Variants in NDUFS4 observed in about 807,000 individuals in gnomAD.
NDUFS4 encodes the protein NADH dehydrogenase [ubiquinone] iron-sulfur protein 4, mitochondrial.
NDUFS4 carries 28 observed loss-of-function variants against 24.3 expected under a neutral mutation model. The observed-to-expected ratio is 1.15, with a 90% CI of 0.85 to 1.58. The LOEUF is 1.58. Ranked by LOEUF, NDUFS4 falls within the 40% of genes most tolerant of loss-of-function variation. NDUFS4 has a pLI of 0.00. For missense variants in NDUFS4, 223 were observed against 207.9 expected (o/e 1.07, Z -0.45); for synonymous variants, 93 against 69.7 (o/e 1.34, Z -1.67).
At chr5:53,608,415 T>C (rs1269036771) in intron 2 of NDUFS4, among the ~76,000 whole-genome samples, 1 of 152,214 alleles carries the variant, frequency 6.6e-6, no homozygotes, top group Non-Finnish European at 1.5e-5. Context: ...GAAAAATTTC[T>C]CTGTAGCATG....
intron 4 of NDUFS4, among the ~76,000 whole-genome samples, chr5:53,659,597 G>A (rs1396900662): frequency 6.6e-6 from 1 of 152,052 alleles, no homozygotes; most frequent in African/African-American, 2.4e-5. Context: ...AGATTCAAAT[G>A]CACTACTAAA....
intron 4 of NDUFS4, among the ~76,000 whole-genome samples, chr5:53,669,191 G>A (rs1235238584): frequency 6.6e-6 from 1 of 152,070 alleles, no homozygotes; most frequent in Admixed American, 6.6e-5. Context: ...TCAATACTAT[G>A]ACATTTGTGT....
In NDUFS4 at chr5:53,658,611, T is replaced by G; in HGVS notation, c.411T>G (p.Phe137Leu). The change falls in exon 4 of 5, where the codon TTT becomes TTG. Residue 137 changes from phenylalanine to leucine, a missense_variant. Physicochemically the swap from Phe to Leu is conservative, Grantham distance 22 (BLOSUM62 0). Transcript: ENST00000296684. ...GTACTAAAGAAGATGCAGTTTCCTT[T>G]GCAGAAAAAAATGGTATGTTTGGTC... ...TFSTKEDAVS[F>L]AEKNGWSYDI... 6.2e-7 allele frequency: 1 copy of G among 1,612,232 alleles called. No individual in the cohort carries two copies.
chr5:53,654,689 A>C (rs977661554), intron 3 of NDUFS4, among the ~76,000 whole-genome samples: 1 of 152,178 alleles, frequency 6.6e-6, no homozygotes, highest in African/African-American at 2.4e-5. Context: ...AAGCTTCCCG[A>C]GAAGAAACTC....
intron 2 of NDUFS4, among the ~76,000 whole-genome samples, chr5:53,625,560 A>G (rs936384881): frequency 3.3e-5 from 5 of 152,168 alleles, no homozygotes; most frequent in African/African-American, 1.2e-4. Flanking sequence ...TCCACTATGT[A>G]GTGCAATTTG....
At chr5:53,583,140 G>A (rs1399828350) in intron 1 of NDUFS4, among the ~76,000 whole-genome samples, 1 of 152,120 alleles carries the variant, frequency 6.6e-6, no homozygotes, top group African/African-American at 2.4e-5. Flanking sequence ...GCCTCCCAAA[G>A]TGCTGGGATT....
chr5:53,678,939 A>G (rs963667443), intron 4 of NDUFS4, among the ~76,000 whole-genome samples: 1 of 152,078 alleles, frequency 6.6e-6, no homozygotes, highest in African/African-American at 2.4e-5. Flanking sequence ...GGACCAGTAA[A>G]TTTGTTCATC....
intron 1 of NDUFS4, among the ~76,000 whole-genome samples, chr5:53,569,613 C>T (rs1209609527): frequency 2.0e-5 from 3 of 152,096 alleles, no homozygotes; most frequent in Non-Finnish European, 4.4e-5. Context: ...CTGATAACCC[C>T]AGAAAACACA....
chr5:53,569,289 G>A (rs1288052340), intron 1 of NDUFS4, among the ~76,000 whole-genome samples: 1 of 152,074 alleles, frequency 6.6e-6, no homozygotes, highest in Non-Finnish European at 1.5e-5. Context: ...GAGATTTGGG[G>A]AATAAAATAC....
intron 3 of NDUFS4, among the ~76,000 whole-genome samples, chr5:53,655,069 G>A (rs1752125118): frequency 6.6e-6 from 1 of 151,702 alleles, no homozygotes; most frequent in Non-Finnish European, 1.5e-5. Flanking sequence ...AAATGATATT[G>A]GAGGAAAAAT....
At chr5:53,615,947 A>G (rs1047575179) in intron 2 of NDUFS4, among the ~76,000 whole-genome samples, 1 of 152,144 alleles carries the variant, frequency 6.6e-6, no homozygotes. Context: ...TGTATCCATT[A>G]AAGATAATTT....
chr5:53,601,630 G>A (rs1018503170), intron 1 of NDUFS4, among the ~76,000 whole-genome samples: 4 of 152,160 alleles, frequency 2.6e-5, no homozygotes, highest in South Asian at 2.1e-4. Flanking sequence ...AGTTACCCAC[G>A]GTCAGCTGTG....
intron 2 of NDUFS4, among the ~76,000 whole-genome samples, chr5:53,624,475 G>A (rs1192571833): frequency 6.6e-6 from 1 of 152,168 alleles, no homozygotes; most frequent in Non-Finnish European, 1.5e-5. Flanking sequence ...GATGAACACA[G>A]GATGTCTTCC....
chr5:53,674,362 C>T (rs572168226), intron 4 of NDUFS4, among the ~76,000 whole-genome samples: 1 of 152,198 alleles, frequency 6.6e-6, no homozygotes, highest in East Asian at 1.9e-4. Flanking sequence ...ACGGGAAGGC[C>T]AGAGAATTAT....
intron 2 of NDUFS4, among the ~76,000 whole-genome samples, chr5:53,634,538 A>T (rs1306678843): frequency 6.6e-6 from 1 of 152,190 alleles, no homozygotes; most frequent in Non-Finnish European, 1.5e-5. Flanking sequence ...TGTTTAATTA[A>T]GAAATAATAG....
chr5:53,592,946 G>A (rs937996775), intron 1 of NDUFS4, among the ~76,000 whole-genome samples: 23 of 152,168 alleles, frequency 1.5e-4, no homozygotes, highest in African/African-American at 5.5e-4. Flanking sequence ...GTTGAATTTA[G>A]TGCTAATATC....
chr5:53,658,646 CAAAGTCAAGATA>C (rs1380853748), intron 4 of NDUFS4, 22 bp downstream of exon 4: 1 of 1,559,362 alleles, frequency 6.4e-7, no homozygotes, highest in Non-Finnish European at 8.8e-7. Flanking sequence ...CTGTTTTTGA[CAAAGTCAAGATA>C]ATGATTTTAT....
intron 2 of NDUFS4, among the ~76,000 whole-genome samples, chr5:53,635,388 C>A (rs1266026736): frequency 6.6e-6 from 1 of 151,416 alleles, no homozygotes; most frequent in African/African-American, 2.4e-5. Context: ...GGCAGGGAGG[C>A]ATGTGCCTGT....
chr5:53,566,088 G>T (rs1203976920), intron 1 of NDUFS4, among the ~76,000 whole-genome samples: 1 of 152,146 alleles, frequency 6.6e-6, no homozygotes, highest in Non-Finnish European at 1.5e-5. Context: ...CAGGAGAATC[G>T]CTTGAACCTG....
Sources: gnomAD v4.1 joint callset for allele counts (sites outside exome capture counted in the v4.1 genomes callset) on GRCh38, gnomAD v4.1.1 for gene constraint, MANE v1.5 for transcripts, NCBI Gene and HGNC (gene_info 2026-07-23, HGNC 2026-07-21) for gene names.